RAPGEF1: variants seen among roughly 807,000 people sequenced by gnomAD.
RAPGEF1 encodes Rap guanine nucleotide exchange factor 1, also known as CRK SH3-binding GNRP.
A neutral mutation model predicts 143.3 loss-of-function variants in RAPGEF1; 33 were observed. The observed-to-expected ratio is 0.23, with a 90% CI of 0.17 to 0.31. RAPGEF1 has a LOEUF of 0.31. RAPGEF1 is among the 10% of genes least tolerant of loss of function. RAPGEF1 has a pLI of 1.00. For synonymous variants in RAPGEF1, 629 were observed against 676.5 expected, an observed-to-expected ratio of 0.93 and a Z score of 1.09; for missense variants, 1,199 against 1,645.4, an observed-to-expected ratio of 0.73 and a Z score of 4.69.
intron 1 of RAPGEF1, among the ~76,000 whole-genome samples, chr9:131,686,958 T>C (rs1472686997): frequency 6.6e-6 from 1 of 152,216 alleles, no homozygotes; most frequent in Admixed American, 6.5e-5. Context: ...CTAAAATAAG[T>C]TGACTGCTGA....
At chr9:131,647,201 C>T (rs1969890671) in intron 3 of RAPGEF1, among the ~76,000 whole-genome samples, 1 of 152,132 alleles carries the variant, frequency 6.6e-6, no homozygotes, top group African/African-American at 2.4e-5. Context: ...TTTAAATTCA[C>T]TAAGAAGATG....
intron 1 of RAPGEF1, among the ~76,000 whole-genome samples, chr9:131,738,773 A>G (rs1252321530): frequency 1.3e-5 from 2 of 152,222 alleles, no homozygotes; most frequent in Non-Finnish European, 1.5e-5. Context: ...TGCAAAAGTC[A>G]TATTGCCTTG....
At chr9:131,617,551 C>T (rs748754129) in intron 12 of RAPGEF1, among the ~76,000 whole-genome samples, 3 of 152,172 alleles carry the variant, frequency 2.0e-5, no homozygotes, top group South Asian at 2.1e-4. Flanking sequence ...GGTCCAAACT[C>T]ATCATTTACA....
chr9:131,586,960 C>T (rs1448388012), intron 22 of RAPGEF1, among the ~76,000 whole-genome samples: 1 of 71,780 alleles, frequency 1.4e-5, no homozygotes, highest in Admixed American at 1.7e-4. Context: ...AGCGAGACTC[C>T]GTCTCAAACA....
At chr9:131,595,709 T>G (rs1304521879) in intron 17 of RAPGEF1, among the ~76,000 whole-genome samples, 1 of 150,960 alleles carries the variant, frequency 6.6e-6, no homozygotes, top group East Asian at 2.0e-4. Context: ...GCTAGCAGAG[T>G]CCACCCAACA....
intron 1 of RAPGEF1, among the ~76,000 whole-genome samples, chr9:131,716,395 G>A (rs1276953539): frequency 3.3e-5 from 5 of 152,196 alleles, no homozygotes; most frequent in East Asian, 1.9e-4. Context: ...GGAACTAAAC[G>A]TAGCCCTCAG....
At chr9:131,611,161 C>A (rs1957969940) in intron 12 of RAPGEF1, among the ~76,000 whole-genome samples, 1 of 152,188 alleles carries the variant, frequency 6.6e-6, no homozygotes, top group Non-Finnish European at 1.5e-5. Flanking sequence ...TGCACATGAA[C>A]TGAGATCTGC....
chr9:131,739,457 C>T (rs1837612139), intron 1 of RAPGEF1, among the ~76,000 whole-genome samples: 1 of 152,024 alleles, frequency 6.6e-6, no homozygotes, highest in Admixed American at 6.5e-5. Context: ...GCTGTTCTTC[C>T]CCTGCTTGGG....
At chr9:131,627,812 C>T (rs1043299992) in intron 9 of RAPGEF1, 101 bp downstream of exon 9, 19 of 1,263,410 alleles carry the variant, frequency 1.5e-5, no homozygotes, top group South Asian at 4.1e-5. Context: ...GCCAAAGCCA[C>T]GTAGTCAATG....
intron 12 of RAPGEF1, among the ~76,000 whole-genome samples, chr9:131,606,137 C>A (rs924186046): frequency 6.6e-5 from 10 of 152,178 alleles, no homozygotes; most frequent in African/African-American, 1.4e-4. Context: ...AGGCTATACT[C>A]CCCCAGATGC....
intron 16 of RAPGEF1, among the ~76,000 whole-genome samples, chr9:131,597,334 T>A (rs1054739236): frequency 6.6e-6 from 1 of 152,230 alleles, no homozygotes; most frequent in Non-Finnish European, 1.5e-5. Flanking sequence ...GGCAAGGATC[T>A]CTCTGCAGAG....
intron 1 of RAPGEF1, among the ~76,000 whole-genome samples, chr9:131,662,803 A>C (rs1357875998): frequency 1.3e-5 from 2 of 151,986 alleles, no homozygotes; most frequent in African/African-American, 4.8e-5. Flanking sequence ...TCGGCCTCCC[A>C]AAGTGCTAGC....
chr9:131,643,400 C>T lies in RAPGEF1; in HGVS notation c.333G>A (p.Glu111=), dbSNP rs1564608591. Residue 111 remains glutamate, a synonymous_variant, in exon 4 of 27, where the codon GAG becomes GAA. Coordinates refer to ENST00000683357, the MANE Select transcript of RAPGEF1 (RefSeq NM_001377935.1). ...SQRQKNLSWL[E]EKEKEVVSAL... is the part of the protein sequence containing the mutation. Reference sequence around the variant, plus strand: ...CACTGACAACTTCCTTCTCTTTCTCCTCCAGCCAGCTCAGGTTCTGAAAGG... The same window carrying T: ...CACTGACAACTTCCTTCTCTTTCTCTTCCAGCCAGCTCAGGTTCTGAAAGG... 1 of 1,613,084 alleles carries T rather than the reference C, an allele frequency of 6.2e-7. No individual in the cohort carries two copies. Among genetic ancestry groups the T allele is most frequent in the Non-Finnish European group, 8.5e-7 (1 of 1,179,490 alleles).
chr9:131,710,185 G>A (rs1308684369), intron 1 of RAPGEF1, among the ~76,000 whole-genome samples: 1 of 152,226 alleles, frequency 6.6e-6, no homozygotes, highest in East Asian at 1.9e-4. Flanking sequence ...AGAGTCCCAC[G>A]CTCAGACCAG....
intron 3 of RAPGEF1, among the ~76,000 whole-genome samples, 180 bp from the exon 4 acceptor site, chr9:131,643,597 T>TGAAGGAA (rs1212880297): frequency 6.6e-6 from 1 of 152,190 alleles, no homozygotes; most frequent in Middle Eastern, 3.2e-3. Flanking sequence ...AGGGTAGAGC[T>TGAAGGAA]GAAGGAAGAA....
chr9:131,658,677 G>T (rs947318776), intron 1 of RAPGEF1, among the ~76,000 whole-genome samples: 1 of 152,202 alleles, frequency 6.6e-6, no homozygotes, highest in African/African-American at 2.4e-5. Context: ...GGATGGGCCG[G>T]AGGAGAGGAT....
chr9:131,726,775 G>A (rs1362177081), intron 1 of RAPGEF1, among the ~76,000 whole-genome samples: 1 of 152,172 alleles, frequency 6.6e-6, no homozygotes, highest in Admixed American at 6.5e-5. Context: ...ATCTACACGT[G>A]TTAAAACGCA....
At chr9:131,635,550 C>T (rs1215956083) in intron 5 of RAPGEF1, among the ~76,000 whole-genome samples, 1 of 152,256 alleles carries the variant, frequency 6.6e-6, no homozygotes, top group Non-Finnish European at 1.5e-5. Flanking sequence ...TTCCCTTCTG[C>T]ACAGCTCCAG....
intron 1 of RAPGEF1, among the ~76,000 whole-genome samples, chr9:131,653,796 C>T (rs1316754119): frequency 6.6e-6 from 1 of 152,148 alleles, no homozygotes; most frequent in African/African-American, 2.4e-5. Context: ...AAATGAAAGC[C>T]TAAATCCATG....
Sources: gnomAD v4.1 joint callset for allele counts (sites outside exome capture counted in the v4.1 genomes callset) on GRCh38, gnomAD v4.1.1 for gene constraint, MANE v1.5 for transcripts, NCBI Gene and HGNC (gene_info 2026-07-23, HGNC 2026-07-21) for gene names.